The following TTYH3 variants were observed in gnomAD, a reference collection of about 807,000 sequenced individuals.
The protein encoded by TTYH3 is protein tweety homolog 3.
Under a neutral mutation model 68.2 loss-of-function variants are expected in TTYH3, and 23 were observed. That is an observed-to-expected ratio of 0.34 (90% confidence interval 0.24 to 0.48). The LOEUF (loss-of-function observed/expected upper bound fraction) is 0.48. Among genes scored for constraint, TTYH3 ranks in the 20% least tolerant of loss-of-function variants. The pLI, the probability that TTYH3 is intolerant of heterozygous loss-of-function variation, is 0.99. For synonymous variants in TTYH3, 360 were observed against 332.8 expected, an observed-to-expected ratio of 1.08 and a Z score of -0.89; for missense variants, 768 against 727.7, an observed-to-expected ratio of 1.06 and a Z score of -0.64.
intron 9 of TTYH3, among the ~76,000 whole-genome samples, chr7:2,654,400 C>T (rs73045044): frequency 5.9e-5 from 9 of 152,170 alleles, no homozygotes; most frequent in Non-Finnish European, 7.4e-5. Flanking sequence ...GTCTCTCTCT[C>T]TCTTTCTCTC....
At chr7:2,634,253 C>G (rs940002171) in intron 1 of TTYH3, among the ~76,000 whole-genome samples, 1 of 152,214 alleles carries the variant, frequency 6.6e-6, no homozygotes, top group Non-Finnish European at 1.5e-5. Flanking sequence ...TGGTGCTTTT[C>G]GGCAACTGCT....
At chr7:2,647,840 C>A in intron 4 of TTYH3, 119 bp from the exon 5 acceptor site, 1 of 1,234,080 alleles carries the variant, frequency 8.1e-7, no homozygotes, top group Non-Finnish European at 1.2e-6. Context: ...GACCCAGACG[C>A]TCTGAATGCC....
At chr7:2,659,148 G>A (rs542327426) in intron 13 of TTYH3, 133 bp downstream of exon 13, 13 of 889,472 alleles carry the variant, frequency 1.5e-5, no homozygotes, top group East Asian at 2.6e-5. Flanking sequence ...TGCCACCACC[G>A]GGGTCCCAGG....
intron 7 of TTYH3, among the ~76,000 whole-genome samples, chr7:2,650,868 G>C (rs544989417): frequency 2.0e-5 from 3 of 152,132 alleles, no homozygotes; most frequent in African/African-American, 7.2e-5. Flanking sequence ...GGAGCAAAAG[G>C]TGGACAGGGA....
intron 5 of TTYH3, 66 bp from the exon 6 acceptor site, chr7:2,649,501 C>A: frequency 6.7e-7 from 1 of 1,486,992 alleles, no homozygotes; most frequent in Non-Finnish European, 9.1e-7. Flanking sequence ...TTCTGGCCTG[C>A]AGCCCAGCAG....
At chr7:2,659,472 G>T (rs1213912605) in intron 13 of TTYH3, among the ~76,000 whole-genome samples, 2 of 152,236 alleles carry the variant, frequency 1.3e-5, no homozygotes, top group African/African-American at 4.8e-5. Context: ...GTTCCCAGGG[G>T]CCCCGGCCCT....
intron 13 of TTYH3, 54 bp downstream of exon 13, chr7:2,659,069 C>T (rs1166315387): frequency 1.1e-5 from 17 of 1,543,704 alleles, no homozygotes; most frequent in African/African-American, 4.1e-5. Flanking sequence ...TGGGGGTCCG[C>T]TGTTCCACTG....
In TTYH3 at chr7:2,645,369, A is replaced by G. The variant is rs1475539671; in HGVS notation, c.124-1484A>G. ...GGGGTGAGAGCACTCGGCCAGGCAG[A>G]TCGAATGCAGTGCCAGGAGAAGGGA... On this transcript the variant is annotated intron_variant, in intron 1 of 13. Coordinates refer to ENST00000258796, the MANE Select transcript of TTYH3 (RefSeq NM_025250.3). The surrounding 1 kb of genome is among the most constrained non-coding windows in gnomAD (Gnocchi z 4.8). Among the ~76,000 whole-genome samples the G allele has an allele frequency of 4.6e-5, 7 of 152,214 alleles. No homozygotes were observed. The highest frequency in any genetic ancestry group is 1.0e-4 in the Non-Finnish European group (7 of 68,036).
rs1786231944 is a variant in TTYH3 at position 2,653,007 on chromosome 7, T to C, written c.1017T>C (p.Thr339=). The part of the protein sequence containing the change: ...LRTVPWEQPA[T]KDPLLRVQEV... ...CCGTCCCCTGGGAGCAGCCGGCCAC[T>C]AAGGTGAGGGGCTGCGGGGTAGGCA... The change falls in exon 9 of 14, where the codon ACT becomes ACC. Residue 339 remains threonine (T), a synonymous_variant. Coordinates refer to ENST00000258796, the MANE Select transcript of TTYH3 (RefSeq NM_025250.3). The C allele has an allele frequency of 6.4e-7, 1 of 1,567,920 alleles. No individual in the cohort carries two copies. The highest frequency in any genetic ancestry group is 8.7e-7 in the Non-Finnish European group (1 of 1,155,892).
chr7:2,660,515 G>A, intron 13 of TTYH3: 3 of 985,278 alleles, frequency 3.0e-6, no homozygotes, highest in Non-Finnish European at 2.4e-6. Context: ...TGCCTGCTTG[G>A]GCTCCTTCAG....
chr7:2,646,892 G>T lies in TTYH3; in HGVS notation c.163G>T (p.Ala55Ser), dbSNP rs781607646. Residue 55 changes from alanine (A) to serine (S), a missense_variant, in exon 2 of 14, where the codon GCC becomes TCC. By Grantham distance (99) the Ala-to-Ser change is moderately conservative. Transcript: ENST00000258796. ...GGGGGCCGCCGCCCTGGCCTGCCTC[G>T]CCCTGGACCTCCTCTTCCTGCTCTT... is the stretch of plus-strand genomic sequence containing the variant. ...LLGAAALACL[A>S]LDLLFLLFYS... 1.3e-6 allele frequency: 2 copies of T among 1,598,336 alleles called. No homozygotes were observed. Among genetic ancestry groups the T allele is most frequent in the Admixed American group, 1.7e-5 (1 of 59,934 alleles).
At chr7:2,642,705 G>A (rs188636762) in intron 1 of TTYH3, among the ~76,000 whole-genome samples, 10 of 151,456 alleles carry the variant, frequency 6.6e-5, no homozygotes, top group South Asian at 2.1e-4. Flanking sequence ...TCCAGCCTGG[G>A]CCACAGAGCA....
In TTYH3 at chr7:2,649,558, C is replaced by G. The variant is rs1786101727; in HGVS notation, c.723-9C>G. On this transcript the variant is annotated splice_polypyrimidine_tract_variant and intron_variant, in intron 5 of 13. Transcript: ENST00000258796. ...CCTGGGGGCTGCTGACTGGCTGTCT[C>G]TGCCCCAGGGTCTGCCTGCTGGGAG... The G allele has an allele frequency of 1.9e-6, 3 of 1,576,678 alleles. No homozygotes were observed. The African/African-American group carries it at 4.0e-5, about 21-fold the overall frequency.
intron 1 of TTYH3, among the ~76,000 whole-genome samples, chr7:2,639,458 A>G (rs1785770046): frequency 6.6e-6 from 1 of 152,104 alleles, no homozygotes; most frequent in South Asian, 2.1e-4. Flanking sequence ...CCTGCCTCCC[A>G]CAGCCTCCGA....
chr7:2,658,966 C>T lies in TTYH3; in HGVS notation c.1451C>T (p.Pro484Leu), dbSNP rs1476155159. ...YMSQNANFQN[P>L]RCENTPLIGR... Reference sequence around the variant, plus strand: ...AGCCAGAACGCTAATTTCCAGAACCCCCGCTGTGAGAACACCCCACTCATT... The same window carrying T: ...AGCCAGAACGCTAATTTCCAGAACCTCCGCTGTGAGAACACCCCACTCATT... Residue 484 changes from proline (P) to leucine (L), a missense_variant, in exon 13 of 14, where the codon CCC becomes CTC. Pro to Leu is a moderately conservative substitution (Grantham distance 98). Transcript: ENST00000258796. 1.2e-6 allele frequency: 2 copies of T among 1,614,080 alleles called. No individual in the cohort carries two copies. Among genetic ancestry groups the T allele is most frequent in the Non-Finnish European group, 8.5e-7 (1 of 1,179,938 alleles).
In TTYH3 at chr7:2,660,527, G is replaced by A. The variant is rs970635224; in HGVS notation, c.1501-1141G>A. 42 of 985,238 alleles carry A rather than the reference G, an allele frequency of 4.3e-5. No homozygotes were observed. In the Middle Eastern group the frequency reaches 2.1e-3, roughly 48 times the overall value. The allele number at this position is 985,238 out of a possible 1,614,324, so 61.0% of individuals were successfully genotyped here. On this transcript the variant is annotated intron_variant, in intron 13 of 13. Transcript: ENST00000258796. Reference sequence around the variant, plus strand: ...GGGTGCCTGCTTGGGCTCCTTCAGGGGTCTGCGCGTCTGCCCCGTCCCGTC... The same window carrying A: ...GGGTGCCTGCTTGGGCTCCTTCAGGAGTCTGCGCGTCTGCCCCGTCCCGTC...
Position 2,648,050 on chromosome 7 carries a change from G to T in TTYH3, c.718G>T (p.Val240Leu). The T allele has an allele frequency of 6.2e-7, 1 of 1,608,986 alleles. No homozygotes were observed. Among genetic ancestry groups the T allele is most frequent in the Non-Finnish European group, 8.5e-7 (1 of 1,179,718 alleles). ...GLIRSSKGIL[V>L]GVCLLGVLAL... ...CATCCGCAGCTCCAAGGGCATCCTG[G>T]TGGGGTGAGTCTGGGGGTGTCGGCC... Residue 240 changes from valine (V) to leucine (L), a missense_variant, in exon 5 of 14, where the codon GTG (valine) becomes TTG (leucine). Coordinates refer to ENST00000258796, the MANE Select transcript of TTYH3 (RefSeq NM_025250.3).
At position 2,658,580 on chromosome 7, in the gene TTYH3, G is replaced by T. The variant is rs1786404280; in HGVS notation, c.1424+121G>T. Reference sequence around the variant, plus strand: ...GAAGGGGCGGCCTCCGGGCTGGGCAGCCCTGGCCTTGAGTGCCTCCTGCCC... The same window carrying T: ...GAAGGGGCGGCCTCCGGGCTGGGCATCCCTGGCCTTGAGTGCCTCCTGCCC... On this transcript the variant is annotated intron_variant, in intron 12 of 13. Transcript: ENST00000258796. 2.3e-6 allele frequency: 3 copies of T among 1,293,342 alleles called. No individual in the cohort carries two copies. In the South Asian group the frequency reaches 4.4e-5, roughly 19 times the overall value. 80.1% of individuals were successfully genotyped at this position (1,293,342 alleles called of 1,614,324 possible). A position where few individuals can be genotyped will look rare whatever the true frequency, so the allele number is the denominator to read the frequency against.
At chr7:2,658,539 G>A (rs1045351080) in intron 12 of TTYH3, 80 bp downstream of exon 12, 65 of 1,489,954 alleles carry the variant, frequency 4.4e-5, no homozygotes, top group Middle Eastern at 2.2e-4. Context: ...GGGCTAGCTC[G>A]AGGCAAGGGG....
Sources: gnomAD v4.1 joint callset for allele counts (sites outside exome capture counted in the v4.1 genomes callset) on GRCh38, gnomAD v4.1.1 for gene constraint, Gnocchi (gnomAD v3.1) non-coding constraint, MANE v1.5 for transcripts, NCBI Gene and HGNC (gene_info 2026-07-23, HGNC 2026-07-21) for gene names.